TRRAP: variants seen among roughly 807,000 people sequenced by gnomAD.
TRRAP encodes the protein transformation/transcription domain associated protein.
A neutral mutation model predicts 438.8 loss-of-function variants in TRRAP; 41 were observed. The observed-to-expected ratio is 0.09, with a 90% CI of 0.07 to 0.12. The LOEUF (loss-of-function observed/expected upper bound fraction) is 0.12, where lower values mean the gene tolerates loss of function less well. Among genes scored for constraint, TRRAP ranks in the 10% least tolerant of loss-of-function variants. The pLI is 1.00. For missense variants in TRRAP, 3,122 were observed against 5,055.1 expected (o/e 0.62, Z 11.60); for synonymous variants, 1,994 against 1,962.9 (o/e 1.02, Z -0.42).
At chr7:98,999,941 G>T in intron 67 of TRRAP, 1 of 263,832 alleles carries the variant, frequency 3.8e-6, no homozygotes. Context: ...AATTTTATGA[G>T]GAATTGTTAA....
chr7:98,935,038 C>T (rs1428197164), intron 27 of TRRAP, among the ~76,000 whole-genome samples: 1 of 151,880 alleles, frequency 6.6e-6, no homozygotes, highest in Non-Finnish European at 1.5e-5. Flanking sequence ...ATTTAGATAA[C>T]AGATAGAGAA....
At position 98,883,393 on chromosome 7, in the gene TRRAP, T is replaced by TA. The variant is rs1253293763; in HGVS notation, c.150+1370dup. 2.0e-5 allele frequency among the ~76,000 whole-genome samples: 3 copies of TA among 152,240 alleles called. No individual in the cohort carries two copies. The East Asian group carries it at 5.8e-4, about 29-fold the overall frequency. Reference sequence around the variant, plus strand: ...GTTTATTAAGACCATATTCTTCTCTTATGTTTTGAACATATTTACTGTATG... The same window carrying TA: ...GTTTATTAAGACCATATTCTTCTCTTAATGTTTTGAACATATTTACTGTATG... On this transcript the variant is annotated intron_variant, in intron 3 of 72. Transcript: ENST00000456197.
At chr7:98,928,398 T>C (rs935243781) in intron 23 of TRRAP, among the ~76,000 whole-genome samples, 28 of 152,316 alleles carry the variant, frequency 1.8e-4, no homozygotes, top group Middle Eastern at 6.8e-3. Flanking sequence ...TCAAAGCCCC[T>C]CACCCTTAAG....
intron 38 of TRRAP, 119 bp from the exon 39 acceptor site, chr7:98,950,757 C>T: frequency 7.9e-7 from 1 of 1,269,886 alleles, no homozygotes; most frequent in Non-Finnish European, 1.0e-6. Flanking sequence ...GGTAGTCACA[C>T]CCTGGGTTGA....
chr7:98,911,107 A>G lies in TRRAP; in HGVS notation c.1843A>G (p.Ile615Val). 5 of 1,614,172 alleles carry G rather than the reference A, an allele frequency of 3.1e-6. No homozygotes were observed. The highest frequency in any genetic ancestry group is 4.2e-6 in the Non-Finnish European group (5 of 1,180,016). ...GATAGCAGGAAATGGACAGACATACATCCGTGTGGCCAACTGCCAGACTGT... is the reference window on the plus strand; with the variant it reads ...GATAGCAGGAAATGGACAGACATACGTCCGTGTGGCCAACTGCCAGACTGT... ...VQIAGNGQTY[I>V]RVANCQTVRM... Residue 615 changes from isoleucine to valine, a missense_variant, in exon 17 of 73, where the codon ATC (isoleucine) becomes GTC (valine). Transcript: ENST00000456197.
intron 67 of TRRAP, among the ~76,000 whole-genome samples, chr7:98,997,483 CAAAAAAAAAAAAAAAA>C (rs61132070): frequency 9.4e-5 from 4 of 42,622 alleles, no homozygotes; most frequent in South Asian, 1.1e-3. Context: ...ACTGCTGTTG[CAAAAAAAAAAAAAAAA>C]AAAAAAAAAA....
chr7:98,957,560 A>G (rs1791675932), intron 43 of TRRAP, among the ~76,000 whole-genome samples: 1 of 152,158 alleles, frequency 6.6e-6, no homozygotes, highest in African/African-American at 2.4e-5. Context: ...GGCCCCCAGC[A>G]CCGTCTCAGT....
chr7:98,917,728 G>A (rs781812980), intron 20 of TRRAP, 49 bp downstream of exon 20: 44 of 1,588,802 alleles, frequency 2.8e-5, no homozygotes, highest in South Asian at 1.3e-4. Flanking sequence ...GGAAGCAGTG[G>A]GCCGTCATTG....
At chr7:98,970,025 G>A in intron 51 of TRRAP, 87 bp from the exon 52 acceptor site, 3 of 1,512,070 alleles carry the variant, frequency 2.0e-6, no homozygotes, top group East Asian at 2.3e-5. Flanking sequence ...AGAGGTGCCT[G>A]AGTGAGGGGC....
Position 98,967,499 on chromosome 7 carries a change from C to G in TRRAP, c.7313C>G (p.Ser2438Cys), listed in dbSNP as rs1203186979. ...TGGTGTTACAGGGATGAGACCCTCT[C>G]TGGCAGCGAGCTGACGGCGAAACTT... ...VNYVYRDETL[S>C]GSELTAKLEP... Residue 2438 changes from serine (S) to cysteine (C), a missense_variant, in exon 51 of 73, where the codon TCT (serine) becomes TGT (cysteine). This residue lies in a region of TRRAP where 992 missense variants were observed against 1,281.2 expected (regional missense o/e 0.77). Transcript: ENST00000456197. The G allele has an allele frequency of 6.2e-7, 1 of 1,613,978 alleles. No homozygotes were observed. The highest frequency in any genetic ancestry group is 8.5e-7 in the Non-Finnish European group (1 of 1,180,014).
chr7:98,947,657 T>C (rs561246407), intron 33 of TRRAP, among the ~76,000 whole-genome samples: 1 of 152,300 alleles, frequency 6.6e-6, no homozygotes, highest in Admixed American at 6.5e-5. Context: ...GGTTTCGCCA[T>C]GTTGGCCAGG....
intron 20 of TRRAP, 35 bp downstream of exon 20, chr7:98,917,714 C>G: frequency 1.9e-6 from 3 of 1,602,036 alleles, no homozygotes; most frequent in Non-Finnish European, 2.6e-6. Flanking sequence ...CTGGCTGCTT[C>G]CCTGGAAGCA....
chr7:98,988,192 G>A (rs1026811302), intron 62 of TRRAP, among the ~76,000 whole-genome samples: 2 of 152,094 alleles, frequency 1.3e-5, no homozygotes, highest in Non-Finnish European at 2.9e-5. Flanking sequence ...ATAGTGAAGC[G>A]GTATAACTGC....
chr7:98,996,173 C>T (rs746763258), intron 67 of TRRAP, among the ~76,000 whole-genome samples: 6 of 151,828 alleles, frequency 4.0e-5, no homozygotes, highest in South Asian at 2.1e-4. Flanking sequence ...CGCGTGTCCC[C>T]GCGTATGCAC....
chr7:98,916,158 G>A (rs1418307907), intron 19 of TRRAP, among the ~76,000 whole-genome samples: 2 of 151,936 alleles, frequency 1.3e-5, no homozygotes, highest in African/African-American at 4.8e-5. Context: ...GCTAGGGCTT[G>A]GTTGCATTTT....
chr7:98,999,206 A>G (rs763534847), intron 67 of TRRAP: 25 of 1,384,722 alleles, frequency 1.8e-5, no homozygotes, highest in Non-Finnish European at 2.5e-5. Context: ...TAGGCTTTGC[A>G]GTACACAGGC....
At chr7:98,959,641 C>T in intron 45 of TRRAP, 151 bp downstream of exon 45, 1 of 1,101,776 alleles carries the variant, frequency 9.1e-7, no homozygotes, top group Non-Finnish European at 1.3e-6. Context: ...ATGGCCTCTC[C>T]CACATTGGCC....
At chr7:98,978,101 A>G in intron 56 of TRRAP, 110 bp from the exon 57 acceptor site, 4 of 961,028 alleles carry the variant, frequency 4.2e-6, no homozygotes, top group Non-Finnish European at 6.3e-6. Context: ...AGCTTTGGCA[A>G]CATAGCAAAA....
intron 33 of TRRAP, among the ~76,000 whole-genome samples, chr7:98,946,815 A>G (rs1791103335): frequency 6.6e-6 from 1 of 152,244 alleles, no homozygotes; most frequent in Admixed American, 6.5e-5. Flanking sequence ...GCAAAGACCC[A>G]AAGAAGTGGT....
Sources: gnomAD v4.1 joint callset for allele counts (sites outside exome capture counted in the v4.1 genomes callset) on GRCh38, gnomAD v4.1.1 for gene constraint, gnomAD v4.1.1 regional missense constraint, MANE v1.5 for transcripts, NCBI Gene and HGNC (gene_info 2026-07-23, HGNC 2026-07-21) for gene names.